Variants in CPED1 observed in about 807,000 individuals in gnomAD.
The protein encoded by CPED1 is cadherin-like and PC-esterase domain-containing protein 1.
Under a neutral mutation model 128.2 loss-of-function variants are expected in CPED1, and 114 were observed. The observed-to-expected ratio is 0.89, with a 90% CI of 0.76 to 1.04. CPED1 has a LOEUF of 1.04. CPED1 is among the 50% of genes least tolerant of loss of function. CPED1 has a pLI of 0.00. For synonymous variants in CPED1, 462 were observed against 426.7 expected (o/e 1.08, Z -1.02); for missense variants, 1,211 against 1,207.1 (o/e 1.00, Z -0.05).
chr7:121,247,048 T>C (rs1187042200), intron 18 of CPED1, among the ~76,000 whole-genome samples: 2 of 152,180 alleles, frequency 1.3e-5, no homozygotes, highest in East Asian at 3.8e-4. Flanking sequence ...AACAGAGAAG[T>C]GGCACAACCA....
intron 16 of CPED1, among the ~76,000 whole-genome samples, chr7:121,179,933 A>C (rs1772778397): frequency 6.6e-6 from 1 of 152,122 alleles, no homozygotes; most frequent in Non-Finnish European, 1.5e-5. Context: ...TGAAACTAAC[A>C]ATGATTGCAC....
chr7:121,176,947 C>T lies in CPED1; in HGVS notation c.2055+34806C>T, dbSNP rs148410337. On this transcript the variant is annotated intron_variant, in intron 16 of 22. Coordinates refer to ENST00000310396, the MANE Select transcript of CPED1 (RefSeq NM_024913.5). ...CTCCAAAGTATAGAATTGTTGATAGCTTTAAAGTAAATCTGTCATGTTCTG... is the reference window on the plus strand; with the variant it reads ...CTCCAAAGTATAGAATTGTTGATAGTTTTAAAGTAAATCTGTCATGTTCTG... 3.3e-3 allele frequency among the ~76,000 whole-genome samples: 502 copies of T among 152,136 alleles called. 3 individuals are homozygous for T. Among genetic ancestry groups the T allele is most frequent in the African/African-American group, 0.011 (476 of 41,520 alleles).
At chr7:121,094,262 A>G (rs1326941451) in intron 5 of CPED1, among the ~76,000 whole-genome samples, 1 of 152,222 alleles carries the variant, frequency 6.6e-6, no homozygotes. Context: ...GCAAGACAAT[A>G]TTCAAACATC....
chr7:121,197,118 C>CT (rs33936909), intron 16 of CPED1, among the ~76,000 whole-genome samples: 11 of 128,434 alleles, frequency 8.6e-5, no homozygotes, highest in African/African-American at 2.0e-4. Context: ...TAAAAATAAT[C>CT]TTTTTTTTTT....
intron 16 of CPED1, among the ~76,000 whole-genome samples, chr7:121,178,580 T>C (rs1796835289): frequency 6.6e-6 from 1 of 151,984 alleles, no homozygotes; most frequent in African/African-American, 2.4e-5. Context: ...GTGCAAGATG[T>C]GACAGCCTAC....
At chr7:121,075,591 T>G (rs1302850842) in intron 5 of CPED1, among the ~76,000 whole-genome samples, 1 of 152,048 alleles carries the variant, frequency 6.6e-6, no homozygotes, top group African/African-American at 2.4e-5. Context: ...GCCTCCTGAG[T>G]AGCTGGGATT....
chr7:121,145,222 A>G (rs1795997616), intron 16 of CPED1, among the ~76,000 whole-genome samples: 1 of 152,064 alleles, frequency 6.6e-6, no homozygotes, highest in Non-Finnish European at 1.5e-5. Context: ...AAAGTTATAT[A>G]TTCCTTTCTT....
At chr7:121,051,796 T>G (rs1793360435) in intron 4 of CPED1, 1 of 160,190 alleles carries the variant, frequency 6.2e-6, no homozygotes, top group African/African-American at 2.4e-5. Flanking sequence ...TGGTGAAATG[T>G]ATGTAACAGC....
At chr7:121,094,628 G>C in intron 5 of CPED1, among the ~76,000 whole-genome samples, 1 of 152,142 alleles carries the variant, frequency 6.6e-6, no homozygotes, top group East Asian at 1.9e-4. Flanking sequence ...AAGTTCAGAA[G>C]ATTCATGGGA....
intron 8 of CPED1, among the ~76,000 whole-genome samples, chr7:121,125,427 G>T (rs187832168): frequency 9.2e-5 from 14 of 152,034 alleles, no homozygotes; most frequent in African/African-American, 2.4e-4. Context: ...CCCTGCATGC[G>T]TTAGGTATTT....
chr7:121,025,217 A>G (rs757976013), intron 3 of CPED1, among the ~76,000 whole-genome samples: 3 of 151,996 alleles, frequency 2.0e-5, no homozygotes, highest in Non-Finnish European at 2.9e-5. Flanking sequence ...ACAAACTACC[A>G]TTTGGGTAAT....
intron 7 of CPED1, among the ~76,000 whole-genome samples, chr7:121,116,126 A>T (rs1795229377): frequency 6.6e-6 from 1 of 152,206 alleles, no homozygotes; most frequent in South Asian, 2.1e-4. Flanking sequence ...GGAGAGTTTA[A>T]AGTTTTCAGC....
At chr7:121,063,136 A>C (rs1793723104) in intron 4 of CPED1, among the ~76,000 whole-genome samples, 1 of 152,182 alleles carries the variant, frequency 6.6e-6, no homozygotes, top group Admixed American at 6.5e-5. Context: ...TCATTCATAC[A>C]GGATCTGGGC....
chr7:121,121,207 C>CAG (rs1563033762), intron 7 of CPED1, among the ~76,000 whole-genome samples: 1 of 152,130 alleles, frequency 6.6e-6, no homozygotes, highest in Non-Finnish European at 1.5e-5. Flanking sequence ...GGAAAGATAT[C>CAG]AGACATGATC....
chr7:121,167,164 A>G (rs1381419501), intron 16 of CPED1, among the ~76,000 whole-genome samples: 2 of 152,188 alleles, frequency 1.3e-5, no homozygotes, highest in Non-Finnish European at 2.9e-5. Flanking sequence ...TAGAAATGTA[A>G]TTTAGATGAT....
intron 17 of CPED1, among the ~76,000 whole-genome samples, 157 bp downstream of exon 17, chr7:121,236,988 T>C: frequency 6.6e-6 from 1 of 152,324 alleles, no homozygotes; most frequent in Middle Eastern, 3.4e-3. Context: ...TGCATTGTTT[T>C]AATATTTGAA....
chr7:121,111,469 G>A (rs779551444), intron 7 of CPED1, among the ~76,000 whole-genome samples: 1 of 152,058 alleles, frequency 6.6e-6, no homozygotes, highest in Admixed American at 6.6e-5. Context: ...CCATAAAATT[G>A]GGTTATTTTC....
intron 16 of CPED1, among the ~76,000 whole-genome samples, chr7:121,190,611 A>C (rs1797114150): frequency 6.6e-6 from 1 of 152,116 alleles, no homozygotes; most frequent in South Asian, 2.1e-4. Flanking sequence ...ACTAATTTCA[A>C]TTCTAACTTT....
chr7:121,087,264 C>T (rs1158511060), intron 5 of CPED1, among the ~76,000 whole-genome samples: 1 of 152,098 alleles, frequency 6.6e-6, no homozygotes, highest in Non-Finnish European at 1.5e-5. Flanking sequence ...GTTTTTATAA[C>T]CCTCTTCTCC....
Sources: allele counts gnomAD v4.1 joint callset (sites outside exome capture counted in the v4.1 genomes callset), GRCh38; gene constraint gnomAD v4.1.1; transcripts MANE v1.5; gene names NCBI Gene and HGNC (gene_info 2026-07-23, HGNC 2026-07-21).